The following AIF1 variants were observed in gnomAD, a reference collection of about 807,000 sequenced individuals.
AIF1 encodes allograft inflammatory factor 1.
AIF1 carries 21 observed loss-of-function variants against 20.6 expected under a neutral mutation model. The observed-to-expected ratio is 1.02, with a 90% CI of 0.72 to 1.47. The LOEUF (loss-of-function observed/expected upper bound fraction) is 1.47. Ranked by LOEUF, AIF1 falls within the 40% of genes most tolerant of loss-of-function variation. The pLI is 0.00. For synonymous variants in AIF1, 52 were observed against 65.8 expected (o/e 0.79, Z 1.01); for missense variants, 161 against 170.5 (o/e 0.94, Z 0.31).
chr6:31,616,237 A>AG lies in AIF1; in HGVS notation c.196+97dup. ...CATGCTCCATTCCTCATGATTTGGG[A>AG]GGGGGCCCACCTACCACAGTGGGAG... is the stretch of plus-strand genomic sequence containing the variant. On this transcript the variant is annotated intron_variant, in intron 4 of 5. Transcript: ENST00000376059. The surrounding 1 kb of genome is among the most constrained non-coding windows in gnomAD (Gnocchi z 4.0). 1 of 1,612,986 alleles carries AG rather than the reference A, an allele frequency of 6.2e-7. No homozygotes were observed. The highest frequency in any genetic ancestry group is 1.3e-5 in the African/African-American group (1 of 74,996).
rs372742911 is a variant in AIF1, at chr6:31,616,724, C to G, written c.360-92C>G. 6 of 1,585,384 alleles carry G rather than the reference C, an allele frequency of 3.8e-6. No homozygotes were observed. In the East Asian group the frequency reaches 1.3e-4, roughly 36 times the overall value. On this transcript the variant is annotated intron_variant, in intron 5 of 5. Transcript: ENST00000376059. The surrounding 1 kb of genome is among the most constrained non-coding windows in gnomAD (Gnocchi z 4.0). ...CTCTTCCCCCTTCCACCCTCACATCCCCATCCCCTTCTAGCCTTTCCTAGC... is the reference window on the plus strand; with the variant it reads ...CTCTTCCCCCTTCCACCCTCACATCGCCATCCCCTTCTAGCCTTTCCTAGC...
rs1183160612 is a variant in AIF1 at position 31,616,648 on chromosome 6, C to T, written c.359+142C>T. On this transcript the variant is annotated intron_variant, in intron 5 of 5. Coordinates refer to ENST00000376059, the MANE Select transcript of AIF1 (RefSeq NM_001623.5). This position sits in a 1 kb window ranked among gnomAD's most constrained non-coding sequence, Gnocchi z 4.0. ...AGAGGGACCCTTCCAAGGTCCCGAC[C>T]CCATCCCTATCCATAGTCCTGGTCC... The T allele has an allele frequency of 6.7e-6, 10 of 1,488,722 alleles. No individual in the cohort carries two copies. The East Asian group carries it at 1.7e-4, about 25-fold the overall frequency. 92.2% of individuals were successfully genotyped at this position (1,488,722 alleles called of 1,614,324 possible). A position where few individuals can be genotyped will look rare whatever the true frequency, so the allele number is the denominator to read the frequency against.
At chr6:31,615,455 G>T in intron 1 of AIF1, 66 bp from the exon 2 acceptor site, 1 of 1,613,410 alleles carries the variant, frequency 6.2e-7, no homozygotes, top group Non-Finnish European at 8.5e-7. Flanking sequence ...AGGGTAGCCC[G>T]GGCTGGTGTC....
At chr6:31,615,454 C>T (rs1340957333) in intron 1 of AIF1, 67 bp from the exon 2 acceptor site, 9 of 1,613,252 alleles carry the variant, frequency 5.6e-6, no homozygotes, top group East Asian at 2.2e-5. Flanking sequence ...TAGGGTAGCC[C>T]GGGCTGGTGT....
chr6:31,616,061 C>T lies in AIF1; in HGVS notation c.155-43C>T, dbSNP rs766106519. The T allele has an allele frequency of 1.3e-6, 2 of 1,533,180 alleles. No homozygotes were observed. Among genetic ancestry groups the T allele is most frequent in the Non-Finnish European group, 1.8e-6 (2 of 1,141,336 alleles). The allele number at this position is 1,533,180 out of a possible 1,614,324, so 95.0% of individuals were successfully genotyped here. On this transcript the variant is annotated intron_variant, in intron 3 of 5. Coordinates refer to ENST00000376059, the MANE Select transcript of AIF1 (RefSeq NM_001623.5). This position sits in a 1 kb window ranked among gnomAD's most constrained non-coding sequence, Gnocchi z 4.0. ...CTTCCTCAGTCCCCTGCTGAAAACC[C>T]TCCAGTCAGCGCTTATCCCTTCTGC...
In AIF1 at chr6:31,616,251, C is replaced by T. The variant is rs1376220757; in HGVS notation, c.197-93C>T. 9 of 1,612,886 alleles carry T rather than the reference C, an allele frequency of 5.6e-6. No homozygotes were observed. The South Asian group carries it at 6.6e-5, about 12-fold the overall frequency. ...CATGATTTGGGAGGGGGCCCACCTA[C>T]CACAGTGGGAGGAAGGAGAATGGGG... On this transcript the variant is annotated intron_variant, in intron 4 of 5. Transcript: ENST00000376059. This position sits in a 1 kb window ranked among gnomAD's most constrained non-coding sequence, Gnocchi z 4.0.
chr6:31,616,735 C>G lies in AIF1; in HGVS notation c.360-81C>G. On this transcript the variant is annotated intron_variant, in intron 5 of 5. Transcript: ENST00000376059. This position sits in a 1 kb window ranked among gnomAD's most constrained non-coding sequence, Gnocchi z 4.0. ...TCCACCCTCACATCCCCATCCCCTT[C>G]TAGCCTTTCCTAGCACCCTATGATT... The G allele has an allele frequency of 6.2e-7, 1 of 1,600,860 alleles. No homozygotes were observed. The highest frequency in any genetic ancestry group is 8.5e-7 in the Non-Finnish European group (1 of 1,172,634).
chr6:31,615,596 CT>C lies in AIF1; in HGVS notation c.87+15del. 1 of 1,613,382 alleles carries C rather than the reference CT, an allele frequency of 6.2e-7. No homozygotes were observed. The highest frequency in any genetic ancestry group is 8.5e-7 in the Non-Finnish European group (1 of 1,179,884). ...GAGATCAACAAGGTAGAAGGAAGAA[CT>C]AAGGGGGCAGAGCCAGGGGGATGGG... On this transcript the variant is annotated intron_variant, in intron 2 of 5. Transcript: ENST00000376059.
At chr6:31,615,428 G>A in intron 1 of AIF1, 74 bp downstream of exon 1, 2 of 1,613,520 alleles carry the variant, frequency 1.2e-6, no homozygotes, top group East Asian at 2.2e-5. Context: ...TGGGCTAGGA[G>A]GGCAGTCAGC....
At position 31,615,242 on chromosome 6, in the gene AIF1, G is replaced by A; in HGVS notation, c.-88G>A. On this transcript the variant is annotated 5_prime_UTR_variant, in exon 1 of 6. Transcript: ENST00000376059. ...GGGGAAGTTTGGGAGGAAGGCTTCT[G>A]AGAAGACTGGTGGGAGAGAAGGAGA... 1 of 1,607,368 alleles carries A rather than the reference G, an allele frequency of 6.2e-7. No homozygotes were observed. Among genetic ancestry groups the A allele is most frequent in the Non-Finnish European group, 8.5e-7 (1 of 1,176,818 alleles).
At position 31,615,287 on chromosome 6, in the gene AIF1, C is replaced by T; in HGVS notation, c.-43C>T. On this transcript the variant is annotated 5_prime_UTR_variant, in exon 1 of 6. Coordinates refer to ENST00000376059, the MANE Select transcript of AIF1 (RefSeq NM_001623.5). ...AGGAGAGCCTGCAGACAGAGGCCTC[C>T]AGCTTGGTCTGTCTCCCCACCTCTA... The T allele has an allele frequency of 6.2e-7, 1 of 1,613,072 alleles. No individual in the cohort carries two copies. The highest frequency in any genetic ancestry group is 8.5e-7 in the Non-Finnish European group (1 of 1,179,636).
In AIF1 at chr6:31,616,015, C is replaced by T. The variant is rs1774315252; in HGVS notation, c.155-89C>T. 3.3e-6 allele frequency: 5 copies of T among 1,524,122 alleles called. No individual in the cohort carries two copies. Among genetic ancestry groups the T allele is most frequent in the Admixed American group, 4.4e-5 (2 of 45,268 alleles). The allele number at this position is 1,524,122 out of a possible 1,614,324, so 94.4% of individuals were successfully genotyped here. A position where few individuals can be genotyped will look rare whatever the true frequency, so the allele number is the denominator to read the frequency against. On this transcript the variant is annotated intron_variant, in intron 3 of 5. Transcript: ENST00000376059. This position sits in a 1 kb window ranked among gnomAD's most constrained non-coding sequence, Gnocchi z 4.0. ...CCTCCTTCCACGTTGTCTCCTCCACCTAGCAGTTGGTTGGCAACCCCTTCC... is the reference window on the plus strand; with the variant it reads ...CCTCCTTCCACGTTGTCTCCTCCACTTAGCAGTTGGTTGGCAACCCCTTCC...
At chr6:31,615,944 G>C (rs368956167) in intron 3 of AIF1, 160 bp from the exon 4 acceptor site, 6 of 1,481,416 alleles carry the variant, frequency 4.1e-6, no homozygotes, top group Non-Finnish European at 5.4e-6. Flanking sequence ...ACACCCTAGC[G>C]GGGCCCCTCA....
At position 31,616,584 on chromosome 6, in the gene AIF1, C is replaced by G; in HGVS notation, c.359+78C>G. ...TCCCTACCCTTGTCCACAGGCTCAACATTTCTACACGTTGCCCATCATCCC... is the reference window on the plus strand; with the variant it reads ...TCCCTACCCTTGTCCACAGGCTCAAGATTTCTACACGTTGCCCATCATCCC... On this transcript the variant is annotated intron_variant, in intron 5 of 5. Transcript: ENST00000376059. This position sits in a 1 kb window ranked among gnomAD's most constrained non-coding sequence, Gnocchi z 4.0. The G allele has an allele frequency of 6.5e-7, 1 of 1,531,836 alleles. No individual in the cohort carries two copies. Among genetic ancestry groups the G allele is most frequent in the Non-Finnish European group, 8.8e-7 (1 of 1,141,254 alleles). 94.9% of individuals were successfully genotyped at this position (1,531,836 alleles called of 1,614,324 possible).
Position 31,616,461 on chromosome 6 carries a change from A to T in AIF1, c.314A>T (p.Asp105Val), listed in dbSNP as rs2150461132. 1.9e-6 allele frequency: 3 copies of T among 1,612,808 alleles called. No individual in the cohort carries two copies. The East Asian group carries it at 6.7e-5, about 36-fold the overall frequency. The part of the protein sequence containing the change: ...SGSGETFSYP[D>V]FLRMMLGKRS... ...TCCGGGGAGACGTTCAGCTACCCTG[A>T]CTTTCTCAGGATGATGCTGGGCAAG... Residue 105 changes from aspartate (D) to valine (V), a missense_variant, in exon 5 of 6, where the codon GAC (aspartate) becomes GTC (valine). Transcript: ENST00000376059. The surrounding 1 kb of genome is among the most constrained non-coding windows in gnomAD (Gnocchi z 4.0).
chr6:31,615,631 G>A (rs1022161692), intron 2 of AIF1, 39 bp from the exon 3 acceptor site: 2 of 1,613,300 alleles, frequency 1.2e-6, no homozygotes, highest in Non-Finnish European at 1.7e-6. Flanking sequence ...GGGCGTGGAT[G>A]GGGAGGGCCT....
Position 31,616,194 on chromosome 6 carries a change from A to C in AIF1, c.196+49A>C, listed in dbSNP as rs1028317027. On this transcript the variant is annotated intron_variant, in intron 4 of 5. Coordinates refer to ENST00000376059, the MANE Select transcript of AIF1 (RefSeq NM_001623.5). This position sits in a 1 kb window ranked among gnomAD's most constrained non-coding sequence, Gnocchi z 4.0. ...GGCAGGGTGGTGTGCAGGCCTAAGAAGACAGAGGTCTCTCCTACATGCTCC... is the reference window on the plus strand; with the variant it reads ...GGCAGGGTGGTGTGCAGGCCTAAGACGACAGAGGTCTCTCCTACATGCTCC... The C allele has an allele frequency of 1.9e-6, 3 of 1,613,110 alleles. No individual in the cohort carries two copies. In the African/African-American group the frequency reaches 4.0e-5, roughly 22 times the overall value.
At position 31,615,742 on chromosome 6, in the gene AIF1, G is replaced by A. The variant is rs1275043861; in HGVS notation, c.154+6G>A. ...CAAACTGGAAGGCTTCAAAGGTGAG[G>A]GGGAAACTGTAGGCGGTGGAGACAG... is the stretch of plus-strand genomic sequence containing the variant. On this transcript the variant is annotated splice_donor_region_variant and intron_variant, in intron 3 of 5. Coordinates refer to ENST00000376059, the MANE Select transcript of AIF1 (RefSeq NM_001623.5). The A allele has an allele frequency of 1.7e-5, 28 of 1,605,740 alleles. No individual in the cohort carries two copies. The highest frequency in any genetic ancestry group is 2.3e-5 in the Non-Finnish European group (27 of 1,175,942).
chr6:31,616,392 C>T lies in AIF1; in HGVS notation c.245C>T (p.Thr82Ile). Residue 82 changes from threonine to isoleucine, a missense_variant, in exon 5 of 6, where the codon ACT (threonine) becomes ATT (isoleucine). By Grantham distance (89) the Thr-to-Ile change is moderately conservative. Transcript: ENST00000376059. This position sits in a 1 kb window ranked among gnomAD's most constrained non-coding sequence, Gnocchi z 4.0. ...CTGGAGAAACTTGGAGTCCCCAAGA[C>T]TCACCTAGAGCTAAAGAAATTAATT... Reference protein sequence around the residue: ...RMLEKLGVPKTHLELKKLIGE... With the variant: ...RMLEKLGVPKIHLELKKLIGE... The T allele has an allele frequency of 6.2e-7, 1 of 1,613,058 alleles. No individual in the cohort carries two copies. Among genetic ancestry groups the T allele is most frequent in the South Asian group, 1.1e-5 (1 of 91,080 alleles).
Sources: gnomAD v4.1 joint callset for allele counts on GRCh38, gnomAD v4.1.1 for gene constraint, Gnocchi (gnomAD v3.1) non-coding constraint, MANE v1.5 for transcripts, NCBI Gene and HGNC (gene_info 2026-07-23, HGNC 2026-07-21) for gene names.